The following RAD54B variants were observed in gnomAD, a reference collection of about 807,000 sequenced individuals.
RAD54B encodes RAD54 homolog B.
Under a neutral mutation model 95.8 loss-of-function variants are expected in RAD54B, and 78 were observed. The observed-to-expected ratio is 0.81, with a 90% CI of 0.68 to 0.98. The LOEUF (loss-of-function observed/expected upper bound fraction) is 0.98. Among genes scored for constraint, RAD54B ranks in the 50% least tolerant of loss-of-function variants. The pLI is 0.00. For synonymous variants in RAD54B, 328 were observed against 354.9 expected, an observed-to-expected ratio of 0.92 and a Z score of 0.85; for missense variants, 957 against 1,056.6, an observed-to-expected ratio of 0.91 and a Z score of 1.31.
chr8:94,393,520 AT>A (rs1811070780), intron 9 of RAD54B: 2 of 407,688 alleles, frequency 4.9e-6, no homozygotes, highest in Non-Finnish European at 8.6e-6. Flanking sequence ...AAAGATGAAC[AT>A]TTTTATATGT....
chr8:94,420,831 A>G (rs1411847277), intron 3 of RAD54B, among the ~76,000 whole-genome samples: 2 of 151,964 alleles, frequency 1.3e-5, no homozygotes, highest in Admixed American at 6.6e-5. Context: ...CTAAAAATAC[A>G]GAAATTAGCC....
intron 3 of RAD54B, among the ~76,000 whole-genome samples, chr8:94,434,101 T>A (rs1414069703): frequency 6.6e-6 from 1 of 151,888 alleles, no homozygotes; most frequent in East Asian, 1.9e-4. Flanking sequence ...ATAAATGTAA[T>A]TCAAAGTAGC....
At chr8:94,404,685 A>C (rs963726482) in intron 5 of RAD54B, among the ~76,000 whole-genome samples, 2 of 152,238 alleles carry the variant, frequency 1.3e-5, no homozygotes, top group Non-Finnish European at 2.9e-5. Flanking sequence ...CTATCTTTTC[A>C]GTCCTAAACA....
At chr8:94,380,696 C>T (rs1810718759) in intron 11 of RAD54B, among the ~76,000 whole-genome samples, 1 of 152,224 alleles carries the variant, frequency 6.6e-6, no homozygotes, top group South Asian at 2.1e-4. Flanking sequence ...CAGAAACTAA[C>T]TCTGAAGATA....
intron 7 of RAD54B, 142 bp downstream of exon 7, chr8:94,400,096 A>C (rs763509777): frequency 4.4e-6 from 3 of 684,032 alleles, no homozygotes; most frequent in Admixed American, 5.6e-5. Context: ...CATTCAGTCC[A>C]TAACAACTCA....
chr8:94,447,486 C>A (rs1256262264), intron 3 of RAD54B, among the ~76,000 whole-genome samples: 1 of 152,150 alleles, frequency 6.6e-6, no homozygotes, highest in Non-Finnish European at 1.5e-5. Flanking sequence ...TGGCGTCTCA[C>A]AATATTCACT....
chr8:94,398,578 C>T (rs1304840963), intron 8 of RAD54B, among the ~76,000 whole-genome samples: 1 of 152,056 alleles, frequency 6.6e-6, no homozygotes, highest in Non-Finnish European at 1.5e-5. Flanking sequence ...ATAATCATAT[C>T]CTGACCATTC....
In RAD54B at chr8:94,411,235, C is replaced by A. The variant is rs1426529519; in HGVS notation, c.385G>T (p.Val129Phe). ...TTTTTCTTTGAAGGCTTACACCAAA[C>A]AACACTGAAATATTTAACTAGGCTA... ...SDSLVKYFSVVWCKPSKKKHK... is the reference protein window; with the variant it reads ...SDSLVKYFSVFWCKPSKKKHK... The change falls in exon 4 of 15, where the codon GTT becomes TTT. Residue 129 changes from valine to phenylalanine, a missense_variant. Transcript: ENST00000336148. The A allele has an allele frequency of 8.7e-6, 14 of 1,611,600 alleles. No homozygotes were observed. Among genetic ancestry groups the A allele is most frequent in the Non-Finnish European group, 1.1e-5 (13 of 1,179,086 alleles).
At chr8:94,436,614 C>T in intron 3 of RAD54B, 1 of 1,550,436 alleles carries the variant, frequency 6.4e-7, no homozygotes, top group East Asian at 2.4e-5. Flanking sequence ...TCTCTTTTTG[C>T]TGCAATAGCT....
In RAD54B at chr8:94,407,343, C is replaced by G. The variant is rs184399715; in HGVS notation, c.781+96G>C. ...TCTCAAGAATAATGTATACTTTCAC[C>G]TAAAACTTTTAAAACAAAATTTAAA... On this transcript the variant is annotated intron_variant, in intron 5 of 14. Transcript: ENST00000336148. 138 of 1,251,650 alleles carry G rather than the reference C, an allele frequency of 1.1e-4. No homozygotes were observed. In the African/African-American group the frequency reaches 1.8e-3, roughly 16 times the overall value. 77.5% of individuals were successfully genotyped at this position (1,251,650 alleles called of 1,614,324 possible).
chr8:94,429,787 AC>A (rs1644007219), intron 3 of RAD54B: 1 of 985,258 alleles, frequency 1.0e-6, no homozygotes, highest in Non-Finnish European at 1.2e-6. Flanking sequence ...CAGCTATAAA[AC>A]ACCCTCTTTT....
At chr8:94,406,703 T>C (rs1662918459) in intron 5 of RAD54B, among the ~76,000 whole-genome samples, 2 of 152,208 alleles carry the variant, frequency 1.3e-5, no homozygotes, top group South Asian at 4.1e-4. Context: ...CATTACTTTA[T>C]ATACTTGCTG....
intron 5 of RAD54B, among the ~76,000 whole-genome samples, chr8:94,406,524 GGTTTT>G (rs1811392656): frequency 6.6e-6 from 1 of 152,064 alleles, no homozygotes; most frequent in Admixed American, 6.6e-5. Flanking sequence ...TTAATTGTGG[GGTTTT>G]GTCCCAATAA....
At chr8:94,388,541 C>T (rs1563637952) in intron 10 of RAD54B, among the ~76,000 whole-genome samples, 1 of 152,108 alleles carries the variant, frequency 6.6e-6, no homozygotes, top group Admixed American at 6.5e-5. Flanking sequence ...CCCCCCTAAC[C>T]CCAGGGTTGT....
chr8:94,450,389 G>A (rs1387591306), intron 3 of RAD54B, among the ~76,000 whole-genome samples: 1 of 152,164 alleles, frequency 6.6e-6, no homozygotes, highest in Non-Finnish European at 1.5e-5. Context: ...AGGTTGACAT[G>A]ATAGGTACTT....
At chr8:94,399,283 A>T in intron 8 of RAD54B, 131 bp downstream of exon 8, 1 of 708,012 alleles carries the variant, frequency 1.4e-6, no homozygotes, top group African/African-American at 1.8e-5. Context: ...ACCAAGAGTT[A>T]ATTAACACAG....
At chr8:94,389,468 C>A (rs1810965839) in intron 10 of RAD54B, among the ~76,000 whole-genome samples, 1 of 152,128 alleles carries the variant, frequency 6.6e-6, no homozygotes, top group Non-Finnish European at 1.5e-5. Flanking sequence ...TAGATAATAT[C>A]TTTATACTGT....
intron 3 of RAD54B, chr8:94,430,533 C>T (rs1281755851): frequency 4.9e-6 from 4 of 819,762 alleles, no homozygotes; most frequent in Admixed American, 6.2e-5. Context: ...TTGCTGACAC[C>T]CCCAGGGTTT....
intron 11 of RAD54B, among the ~76,000 whole-genome samples, chr8:94,384,386 T>C (rs1563636347): frequency 6.6e-6 from 1 of 152,152 alleles, no homozygotes; most frequent in African/African-American, 2.4e-5. Flanking sequence ...TTAAGTGAAA[T>C]TGGTCAGTAA....
Sources: gnomAD v4.1 joint callset for allele counts (sites outside exome capture counted in the v4.1 genomes callset) on GRCh38, gnomAD v4.1.1 for gene constraint, MANE v1.5 for transcripts, NCBI Gene and HGNC (gene_info 2026-07-23, HGNC 2026-07-21) for gene names.